The following OR2L13 variants were observed in gnomAD, a reference collection of about 807,000 sequenced individuals.
OR2L13 encodes olfactory receptor 2L13.
In OR2L13, 14 loss-of-function variants were observed where a neutral mutation model predicts 15.3. The ratio of observed to expected loss-of-function variants is 0.91; its 90% confidence interval spans 0.60 to 1.43. OR2L13 has a LOEUF of 1.43. Among genes scored for constraint, OR2L13 ranks in the 40% most tolerant of loss-of-function variants. The pLI is 0.00. For missense variants in OR2L13, 367 were observed against 387.9 expected, an observed-to-expected ratio of 0.95 and a Z score of 0.45; for synonymous variants, 152 against 142.9, an observed-to-expected ratio of 1.06 and a Z score of -0.45.
the OR2L13 span, among the ~76,000 whole-genome samples, chr1:247,970,909 A>G: frequency 1.3e-5 from 2 of 152,286 alleles, no homozygotes; most frequent in East Asian, 3.9e-4. Context: ...CCCTTTCTGA[A>G]AGAACCATTC....
At chr1:248,027,998 G>A in the OR2L13 span, among the ~76,000 whole-genome samples, 1 of 151,750 alleles carries the variant, frequency 6.6e-6, no homozygotes, top group Admixed American at 6.6e-5. Context: ...AAAATTAGCT[G>A]GGCGTGGTTG....
At chr1:247,942,129 G>A in the OR2L13 span, among the ~76,000 whole-genome samples, 7 of 152,138 alleles carry the variant, frequency 4.6e-5, no homozygotes, top group Admixed American at 6.6e-5. Context: ...AAACTCATGG[G>A]TGCAAATCAT....
chr1:248,013,377 G>A, the OR2L13 span, among the ~76,000 whole-genome samples: 3 of 152,178 alleles, frequency 2.0e-5, no homozygotes, highest in Admixed American at 2.0e-4. Flanking sequence ...CCCTTGACAT[G>A]CCTTGAAGCA....
the OR2L13 span, among the ~76,000 whole-genome samples, chr1:248,047,457 C>G: frequency 6.6e-6 from 1 of 152,114 alleles, no homozygotes; most frequent in Admixed American, 6.5e-5. Context: ...AATCACCAGT[C>G]TTCAGTGCAA....
At chr1:248,073,757 A>G in the OR2L13 span, among the ~76,000 whole-genome samples, 3 of 151,916 alleles carry the variant, frequency 2.0e-5, no homozygotes, top group South Asian at 4.1e-4. Flanking sequence ...TGGTTAAAAA[A>G]ATAAATATTA....
chr1:248,071,324 A>T, the OR2L13 span, among the ~76,000 whole-genome samples: 1 of 152,098 alleles, frequency 6.6e-6, no homozygotes, highest in Non-Finnish European at 1.5e-5. Flanking sequence ...GCTTCAATAT[A>T]TGCAAATCAA....
At chr1:248,084,660 A>G in the OR2L13 span, 5 of 1,520,862 alleles carry the variant, frequency 3.3e-6, no homozygotes, top group Non-Finnish European at 4.4e-6. Flanking sequence ...TATCATCTGA[A>G]TAACGAGCTA....
chr1:248,052,283 A>T, the OR2L13 span, among the ~76,000 whole-genome samples: 1 of 152,222 alleles, frequency 6.6e-6, no homozygotes, highest in Non-Finnish European at 1.5e-5. Flanking sequence ...AGATTGTTCC[A>T]TCTCCACTGA....
upstream of OR2L13, among the ~76,000 whole-genome samples, chr1:248,096,126 C>T (rs75824727): frequency 0.051 from 7,752 of 151,980 alleles, 676 homozygotes; most frequent in African/African-American, 0.18. Context: ...TGCCTGTAAT[C>T]CCAGCACTTT....
At chr1:248,045,143 A>G in the OR2L13 span, among the ~76,000 whole-genome samples, 1 of 152,342 alleles carries the variant, frequency 6.6e-6, no homozygotes, top group South Asian at 2.1e-4. Flanking sequence ...TTAATAAGTA[A>G]ATATGACTAT....
chr1:247,981,885 A>T, the OR2L13 span, among the ~76,000 whole-genome samples: 4 of 149,872 alleles, frequency 2.7e-5, no homozygotes, highest in South Asian at 6.3e-4. Context: ...GTGTGATCTC[A>T]GCTCACAGCA....
chr1:247,997,799 T>C, the OR2L13 span, among the ~76,000 whole-genome samples: 1 of 152,180 alleles, frequency 6.6e-6, no homozygotes, highest in African/African-American at 2.4e-5. Context: ...CATTAGTGAC[T>C]TAGCCTACAA....
At chr1:248,083,863 C>T in the OR2L13 span, 1 of 1,612,308 alleles carries the variant, frequency 6.2e-7, no homozygotes, top group South Asian at 1.1e-5. Context: ...AGTCCCACCA[C>T]AGCCACATGT....
chr1:248,011,449 G>C, the OR2L13 span, among the ~76,000 whole-genome samples: 5 of 152,088 alleles, frequency 3.3e-5, no homozygotes, highest in Non-Finnish European at 2.9e-5. Flanking sequence ...TTCTCGAGGA[G>C]TATCTTTGTG....
chr1:247,938,720 T>C, the OR2L13 span, among the ~76,000 whole-genome samples: 1 of 152,164 alleles, frequency 6.6e-6, no homozygotes. Context: ...AAGAGCATGG[T>C]TCAATCAGTG....
chr1:247,967,836 CCTCCTCTTCCTCCTT>C, the OR2L13 span, among the ~76,000 whole-genome samples: 3 of 150,432 alleles, frequency 2.0e-5, no homozygotes, highest in Non-Finnish European at 4.4e-5. Flanking sequence ...TGTAAGTTCT[CCTCCTCTTCCTCCTT>C]CTCCTCCTCC....
chr1:248,094,051 T>C (rs148504420), upstream of OR2L13, among the ~76,000 whole-genome samples: 31 of 152,150 alleles, frequency 2.0e-4, no homozygotes, highest in African/African-American at 7.2e-4. Context: ...TATTTCAAAA[T>C]AACTAAAAGT....
chr1:248,000,120 T>G, the OR2L13 span, among the ~76,000 whole-genome samples: 676 of 120,782 alleles, frequency 5.6e-3, 6 homozygotes, highest in African/African-American at 0.029. Flanking sequence ...TTTTTTTTTT[T>G]TTGGTGTGTG....
chr1:248,080,369 G>T, the OR2L13 span, among the ~76,000 whole-genome samples: 1 of 152,076 alleles, frequency 6.6e-6, no homozygotes, highest in African/African-American at 2.4e-5. Context: ...ATGGTGGTTT[G>T]CTGCACCCAT....
Sources: allele counts gnomAD v4.1 joint callset (sites outside exome capture counted in the v4.1 genomes callset), GRCh38; gene constraint gnomAD v4.1.1; transcripts MANE v1.5; gene names NCBI Gene and HGNC (gene_info 2026-07-23, HGNC 2026-07-21).